RSPH14: variants seen among roughly 807,000 people sequenced by gnomAD.
The protein encoded by RSPH14 is radial spoke head 14 homolog.
RSPH14 carries 20 observed loss-of-function variants against 26.7 expected under a neutral mutation model. The ratio of observed to expected loss-of-function variants is 0.75; its 90% CI spans 0.53 to 1.09. The LOEUF (loss-of-function observed/expected upper bound fraction) is 1.09. Among genes scored for constraint, RSPH14 ranks in the 50% least tolerant of loss-of-function variants. The pLI is 0.00. For missense variants in RSPH14, 449 were observed against 457.2 expected (o/e 0.98, Z 0.16); for synonymous variants, 177 against 189.3 (o/e 0.93, Z 0.53).
intron 4 of RSPH14, among the ~76,000 whole-genome samples, chr22:23,066,953 G>T (rs2068225983): frequency 6.6e-6 from 1 of 152,170 alleles, no homozygotes; most frequent in African/African-American, 2.4e-5. Flanking sequence ...GTTGACATGT[G>T]TGTAGACCAG....
At chr22:23,082,134 A>C (rs1019952020) in intron 4 of RSPH14, among the ~76,000 whole-genome samples, 20 of 119,424 alleles carry the variant, frequency 1.7e-4, no homozygotes, top group Non-Finnish European at 3.1e-4. Flanking sequence ...CAAAAAAAAA[A>C]CAAAAAAAAA....
At chr22:23,149,126 G>A (rs919039301), upstream of RSPH14, among the ~76,000 whole-genome samples, 2 of 151,526 alleles carry the variant, frequency 1.3e-5, no homozygotes, top group African/African-American at 4.8e-5. Context: ...GAGACACTGC[G>A]GCTGAGGGAG....
the RSPH14 span, chr22:23,161,589 G>A: frequency 3.8e-6 from 6 of 1,562,096 alleles, no homozygotes; most frequent in Admixed American, 1.7e-5. Flanking sequence ...GAAGGCCTCC[G>A]CTCCCTGCAC....
intron 4 of RSPH14, among the ~76,000 whole-genome samples, chr22:23,085,989 GC>G (rs1434038301): frequency 6.6e-6 from 1 of 152,258 alleles, no homozygotes; most frequent in Non-Finnish European, 1.5e-5. Context: ...ACAGCCAGTG[GC>G]CTTGCCTGGC....
chr22:23,074,468 G>A (rs1311620121), intron 4 of RSPH14, among the ~76,000 whole-genome samples: 1 of 152,212 alleles, frequency 6.6e-6, no homozygotes, highest in African/African-American at 2.4e-5. Context: ...TTCTGGAGAG[G>A]TGGGGAATTA....
At chr22:23,073,036 T>A (rs745443461) in intron 4 of RSPH14, among the ~76,000 whole-genome samples, 18 of 152,256 alleles carry the variant, frequency 1.2e-4, no homozygotes, top group African/African-American at 1.9e-4. Flanking sequence ...TTTAGTCATC[T>A]TGTGTGTGAA....
upstream of RSPH14, among the ~76,000 whole-genome samples, chr22:23,142,654 C>T (rs1314992617): frequency 1.3e-5 from 2 of 152,242 alleles, no homozygotes; most frequent in Non-Finnish European, 2.9e-5. Context: ...CCCCAAATTA[C>T]ATAGGCCTGA....
At chr22:23,157,902 C>T in the RSPH14 span, 1 of 1,592,054 alleles carries the variant, frequency 6.3e-7, no homozygotes, top group Non-Finnish European at 8.6e-7. Flanking sequence ...GCTGCCCTGG[C>T]AGTTCCTTGG....
chr22:23,087,137 C>T (rs1016695964), intron 4 of RSPH14, among the ~76,000 whole-genome samples: 6 of 152,090 alleles, frequency 3.9e-5, no homozygotes, highest in Non-Finnish European at 7.4e-5. Flanking sequence ...GATGTAGGGA[C>T]GGCGGCTCCA....
chr22:23,169,306 G>C, the RSPH14 span, among the ~76,000 whole-genome samples: 1 of 152,228 alleles, frequency 6.6e-6, no homozygotes, highest in Non-Finnish European at 1.5e-5. Flanking sequence ...CTTGCCCCCA[G>C]CTCCCTATGG....
chr22:23,091,537 C>T (rs1280045517), intron 4 of RSPH14, among the ~76,000 whole-genome samples: 4 of 151,332 alleles, frequency 2.6e-5, no homozygotes, highest in African/African-American at 4.9e-5. Flanking sequence ...TAGACCTACA[C>T]ACACACAGGG....
At chr22:23,142,719 G>A (rs1208717229), upstream of RSPH14, among the ~76,000 whole-genome samples, 1 of 152,198 alleles carries the variant, frequency 6.6e-6, no homozygotes, top group East Asian at 1.9e-4. Context: ...TGACCGCCTG[G>A]TAATGACAAA....
At chr22:23,118,348 C>T (rs1250173307) in intron 4 of RSPH14, among the ~76,000 whole-genome samples, 4 of 152,214 alleles carry the variant, frequency 2.6e-5, no homozygotes, top group Non-Finnish European at 5.9e-5. Flanking sequence ...GCAGACAAAC[C>T]CCAGCCTCCT....
intron 4 of RSPH14, among the ~76,000 whole-genome samples, chr22:23,106,161 C>T (rs1034741704): frequency 2.8e-4 from 43 of 152,228 alleles, no homozygotes; most frequent in African/African-American, 1.0e-3. Flanking sequence ...CAACTTTGAC[C>T]AACACCCTTG....
intron 4 of RSPH14, among the ~76,000 whole-genome samples, chr22:23,093,866 G>GA (rs1162398623): frequency 6.6e-6 from 1 of 152,150 alleles, no homozygotes; most frequent in East Asian, 1.9e-4. Flanking sequence ...CCACTGCCAG[G>GA]AGAGACCAGA....
At chr22:23,163,620 A>AACCC in the RSPH14 span, 1 of 109,478 alleles carries the variant, frequency 9.1e-6, no homozygotes, top group South Asian at 3.1e-4. Flanking sequence ...CCCCCCCGCC[A>AACCC]CATTAGCTGC....
chr22:23,100,420 C>T (rs950718671), intron 4 of RSPH14, among the ~76,000 whole-genome samples: 5 of 152,236 alleles, frequency 3.3e-5, no homozygotes, highest in African/African-American at 1.2e-4. Context: ...ATCTGAGAGA[C>T]AGCTGGTCAA....
chr22:23,093,975 G>A (rs2069055903), intron 4 of RSPH14, among the ~76,000 whole-genome samples: 1 of 152,204 alleles, frequency 6.6e-6, no homozygotes. Context: ...GGACAGTGAG[G>A]GGCACGGATG....
At chr22:23,147,455 G>A (rs1040168082), upstream of RSPH14, among the ~76,000 whole-genome samples, 3 of 151,852 alleles carry the variant, frequency 2.0e-5, no homozygotes, top group African/African-American at 7.3e-5. Context: ...TCAGCCTCCC[G>A]GAGTAGCTAG....
Sources: allele counts gnomAD v4.1 joint callset (sites outside exome capture counted in the v4.1 genomes callset), GRCh38; gene constraint gnomAD v4.1.1; transcripts MANE v1.5; gene names NCBI Gene and HGNC (gene_info 2026-07-23, HGNC 2026-07-21).